The following ALPK2 variants were observed in gnomAD, a reference collection of about 807,000 sequenced individuals.
ALPK2 encodes the protein alpha-protein kinase 2.
A neutral mutation model predicts 163.1 loss-of-function variants in ALPK2; 127 were observed. That is an observed-to-expected ratio of 0.78 (90% CI 0.67 to 0.90). ALPK2 has a LOEUF of 0.90. Ranked by LOEUF, ALPK2 falls within the 40% of genes least tolerant of loss-of-function variation. The pLI, the probability that ALPK2 is intolerant of heterozygous loss-of-function variation, is 0.00. For missense variants in ALPK2, 2,360 were observed against 2,589.6 expected (o/e 0.91, Z 1.92); for synonymous variants, 953 against 959.1 (o/e 0.99, Z 0.12).
At chr18:58,578,733 G>GACACACACACACAC (rs71173065) in intron 4 of ALPK2, 81 bp downstream of exon 4, 29,615 of 529,184 alleles carry the variant, frequency 0.056, 1,065 homozygotes, top group South Asian at 0.067. Flanking sequence ...TAAAGGAAGA[G>GACACACACACACAC]ACACACACAC....
chr18:58,503,829 C>A, intron 11 of ALPK2, 102 bp downstream of exon 11: 1 of 1,057,246 alleles, frequency 9.5e-7, no homozygotes, highest in South Asian at 1.6e-5. Context: ...TTTCAAGGTA[C>A]CCAGCAGGCC....
chr18:58,623,625 C>T (rs1367457561), intron 1 of ALPK2, among the ~76,000 whole-genome samples: 1 of 152,200 alleles, frequency 6.6e-6, no homozygotes, highest in African/African-American at 2.4e-5. Flanking sequence ...ACCACCATGC[C>T]TAGCTAATTT....
At chr18:58,520,770 A>G (rs918649950) in intron 8 of ALPK2, among the ~76,000 whole-genome samples, 2 of 152,232 alleles carry the variant, frequency 1.3e-5, no homozygotes, top group Non-Finnish European at 2.9e-5. Context: ...CTTGTAAAAG[A>G]TTATTTATTC....
intron 3 of ALPK2, chr18:58,580,789 A>G (rs1479823494): frequency 1.9e-6 from 1 of 524,380 alleles, no homozygotes; most frequent in Non-Finnish European, 3.4e-6. Context: ...GCTGCCTCAA[A>G]TGGAAAATGC....
In ALPK2 at chr18:58,488,257, T is replaced by C. The variant is rs1469861437; in HGVS notation, c.6297-6218A>G. Among the ~76,000 whole-genome samples the C allele has an allele frequency of 2.0e-5, 3 of 147,120 alleles. No individual in the cohort carries two copies. The East Asian group carries it at 6.1e-4, about 30-fold the overall frequency. ...ACCTGGAGAGGAGCTATGGAGGCTG[T>C]TTCCACAGTCCTGCCCTCACTCAAC... is the stretch of plus-strand genomic sequence containing the variant. On this transcript the variant is annotated intron_variant, in intron 12 of 12. Coordinates refer to ENST00000361673, the MANE Select transcript of ALPK2 (RefSeq NM_052947.4).
In ALPK2 at chr18:58,481,869, G is replaced by C. The variant is rs201143538; in HGVS notation, c.6467C>G (p.Thr2156Arg). 6.2e-7 allele frequency: 1 copy of C among 1,614,036 alleles called. No individual in the cohort carries two copies. The highest frequency in any genetic ancestry group is 2.2e-5 in the East Asian group (1 of 44,884). ...GKSKVQTNSM[T>R]IKKAGPETPG... ...GGTCTCAGGCCCTGCCTTCTTTATT[G>C]TCATAGAGTTTGTTTGAACTTTGCT... Residue 2156 changes from threonine (T) to arginine (R), a missense_variant, in exon 13 of 13, where the codon ACA (threonine) becomes AGA (arginine). Coordinates refer to ENST00000361673, the MANE Select transcript of ALPK2 (RefSeq NM_052947.4).
At chr18:58,533,324 T>G (rs955167227) in intron 5 of ALPK2, among the ~76,000 whole-genome samples, 8 of 152,258 alleles carry the variant, frequency 5.3e-5, no homozygotes, top group Admixed American at 3.3e-4. Flanking sequence ...CTTGTCTACC[T>G]TTACCTGCAA....
At chr18:58,559,969 T>C (rs1043363272) in intron 4 of ALPK2, among the ~76,000 whole-genome samples, 5 of 152,044 alleles carry the variant, frequency 3.3e-5, no homozygotes, top group Admixed American at 6.5e-5. Context: ...GTTCGGGAGG[T>C]CAGAAGTCCA....
rs1285986305 is a variant in ALPK2 at position 58,535,157 on chromosome 18, G to A, written c.5030C>T (p.Thr1677Ile). The A allele has an allele frequency of 6.2e-7, 1 of 1,614,038 alleles. No individual in the cohort carries two copies. Among genetic ancestry groups the A allele is most frequent in the South Asian group, 1.1e-5 (1 of 91,066 alleles). Reference sequence around the variant, plus strand: ...CCTGGACTTTTTCGCACAGCCCAGGGTGCCCTTTTGACATGGATCCTGCAG... The same window carrying A: ...CCTGGACTTTTTCGCACAGCCCAGGATGCCCTTTTGACATGGATCCTGCAG... ...KLLQDPCQKG[T>I]LGCAKKSRER... Residue 1677 changes from threonine (T) to isoleucine (I), a missense_variant, in exon 5 of 13, where the codon ACC (threonine) becomes ATC (isoleucine). Thr to Ile is a moderately conservative substitution (Grantham distance 89). Transcript: ENST00000361673.
At chr18:58,581,174 GA>G (rs1368743570) in intron 3 of ALPK2, among the ~76,000 whole-genome samples, 17 of 151,930 alleles carry the variant, frequency 1.1e-4, no homozygotes, top group Non-Finnish European at 1.5e-5. Flanking sequence ...ACGGGAATTT[GA>G]AAAAGCATTT....
chr18:58,517,139 G>A lies in ALPK2; in HGVS notation c.5709C>T (p.Asp1903=). ...IEFSQLIFKE[D]FLHDSYFGGR... is the part of the protein sequence containing the mutation. ...CCCCAAAGTAGCTGTCATGGAGGAA[G>A]TCTTCTTTGAAGATGAGTTGGCTGA... Residue 1903 remains aspartate, a synonymous_variant, in exon 9 of 13, where the codon GAC becomes GAT. Transcript: ENST00000361673. 1 of 1,614,188 alleles carries A rather than the reference G, an allele frequency of 6.2e-7. No homozygotes were observed. The highest frequency in any genetic ancestry group is 1.1e-5 in the South Asian group (1 of 91,080).
At chr18:58,599,009 C>T (rs911715352) in intron 3 of ALPK2, among the ~76,000 whole-genome samples, 1 of 152,132 alleles carries the variant, frequency 6.6e-6, no homozygotes, top group African/African-American at 2.4e-5. Flanking sequence ...CCCTGACTGT[C>T]CCAAAGTCTT....
chr18:58,530,929 G>A (rs1271969276), intron 5 of ALPK2, among the ~76,000 whole-genome samples: 1 of 152,172 alleles, frequency 6.6e-6, no homozygotes, highest in East Asian at 1.9e-4. Flanking sequence ...GGCCTGGCAT[G>A]GTGGTTCACA....
chr18:58,484,613 A>G (rs2051329167), intron 12 of ALPK2, among the ~76,000 whole-genome samples: 2 of 152,170 alleles, frequency 1.3e-5, no homozygotes, highest in Non-Finnish European at 2.9e-5. Flanking sequence ...GTGTGGTGGC[A>G]TGCGCCTGTA....
At chr18:58,555,515 C>A (rs936856711) in intron 4 of ALPK2, among the ~76,000 whole-genome samples, 4 of 152,200 alleles carry the variant, frequency 2.6e-5, no homozygotes, top group Non-Finnish European at 4.4e-5. Context: ...ATTCTCATGT[C>A]TGACTTTGAA....
At chr18:58,621,594 AG>A (rs1269236127) in intron 1 of ALPK2, among the ~76,000 whole-genome samples, 2 of 113,134 alleles carry the variant, frequency 1.8e-5, no homozygotes, top group African/African-American at 2.7e-5. Flanking sequence ...CTATGGGCAA[AG>A]AAGAAGGAGG....
At chr18:58,597,494 G>T (rs1004692851) in intron 3 of ALPK2, among the ~76,000 whole-genome samples, 5 of 152,156 alleles carry the variant, frequency 3.3e-5, no homozygotes, top group Non-Finnish European at 7.3e-5. Context: ...CGGAAATCGT[G>T]GCAGACAGAG....
At position 58,580,311 on chromosome 18, in the gene ALPK2, C is replaced by T. The variant is rs1010651531; in HGVS notation, c.465G>A (p.Pro155=). The T allele has an allele frequency of 6.9e-5, 111 of 1,614,056 alleles. No individual in the cohort carries two copies. In the Middle Eastern group the frequency reaches 1.3e-3, roughly 19 times the overall value. ...AGGAGTCAGCTGACCTGGGAGTGCC[C>T]GGGGAGATGCTTTCTTCTTCCTTAT... The part of the protein sequence containing the change: ...HPYKEEESIS[P]GTPRSADSSP... Residue 155 remains proline (P), a synonymous_variant, in exon 4 of 13, where the codon CCG becomes CCA. Transcript: ENST00000361673.
chr18:58,523,396 A>G (rs577058558), intron 8 of ALPK2, among the ~76,000 whole-genome samples: 1 of 152,080 alleles, frequency 6.6e-6, no homozygotes, highest in Non-Finnish European at 1.5e-5. Flanking sequence ...TGTCTTTATA[A>G]CAGCATGATC....
Sources: gnomAD v4.1 joint callset for allele counts (sites outside exome capture counted in the v4.1 genomes callset) on GRCh38, gnomAD v4.1.1 for gene constraint, MANE v1.5 for transcripts, NCBI Gene and HGNC (gene_info 2026-07-23, HGNC 2026-07-21) for gene names.